KANSL1: variants seen among roughly 807,000 people sequenced by gnomAD.
KANSL1 encodes the protein KAT8 regulatory NSL complex subunit 1, also known as MLL1/MLL complex subunit KANSL1.
KANSL1 carries 22 observed loss-of-function variants against 103.6 expected under a neutral mutation model. The ratio of observed to expected loss-of-function variants is 0.21; its 90% CI spans 0.15 to 0.30. The LOEUF (loss-of-function observed/expected upper bound fraction) is 0.30, where lower values mean the gene tolerates loss of function less well. KANSL1 is among the 10% of genes least tolerant of loss of function. The probability of loss-of-function intolerance (pLI) is 1.00; values close to 1 mark genes in which losing one functional copy is unlikely to be tolerated. For synonymous variants in KANSL1, 600 were observed against 527.6 expected (o/e 1.14, Z -1.88); for missense variants, 1,337 against 1,399.8 (o/e 0.96, Z 0.72).
At chr17:46,165,667 C>G (rs745343943) in intron 2 of KANSL1, among the ~76,000 whole-genome samples, 2 of 151,716 alleles carry the variant, frequency 1.3e-5, no homozygotes, top group Admixed American at 6.6e-5. Context: ...TGCACCACCA[C>G]GCCTGGCTAA....
At chr17:46,075,645 A>G (rs1196522978) in intron 4 of KANSL1, among the ~76,000 whole-genome samples, 1 of 152,218 alleles carries the variant, frequency 6.6e-6, no homozygotes, top group African/African-American at 2.4e-5. Flanking sequence ...ATCATATTTT[A>G]AAAGAATGAA....
At position 46,171,400 on chromosome 17, in the gene KANSL1, T is replaced by C. The variant is rs748000142; in HGVS notation, c.744A>G (p.Leu248=). The C allele has an allele frequency of 1.2e-5, 19 of 1,614,046 alleles. No homozygotes were observed. The highest frequency in any genetic ancestry group is 4.5e-5 in the East Asian group (2 of 44,898). Residue 248 remains leucine, a synonymous_variant, in exon 2 of 15, where the codon TTA becomes TTG. Coordinates refer to ENST00000432791, the MANE Select transcript of KANSL1 (RefSeq NM_015443.4). ...TAGAGCTGGAGTCTGTACCAGGTGA[T>C]AATCTACTGCTTCCTTGAAGTGCCG... ...EQPALQGSSR[L]SPGTDSSSNL... is the part of the protein sequence containing the mutation.
chr17:46,055,279 C>T (rs2077880463), intron 6 of KANSL1, among the ~76,000 whole-genome samples: 1 of 151,950 alleles, frequency 6.6e-6, no homozygotes, highest in Non-Finnish European at 1.5e-5. Context: ...GCCTGACCAA[C>T]ATGGTGAAAC....
intron 1 of KANSL1, among the ~76,000 whole-genome samples, chr17:46,210,484 A>AG (rs1159447876): frequency 0.094 from 13,620 of 145,232 alleles, 210 homozygotes; most frequent in Non-Finnish European, 0.15. Context: ...AAAAAAAAAA[A>AG]AAAAAAAAAA....
intron 1 of KANSL1, among the ~76,000 whole-genome samples, chr17:46,184,027 GCTC>G (rs1386077429): frequency 5.3e-5 from 8 of 152,140 alleles, no homozygotes; most frequent in Non-Finnish European, 1.0e-4. Flanking sequence ...ACTTCCTCCT[GCTC>G]CTCAACATTG....
At position 46,082,553 on chromosome 17, in the gene KANSL1, G is replaced by C; in HGVS notation, c.1432-11C>G. 1 of 1,506,644 alleles carries C rather than the reference G, an allele frequency of 6.6e-7. No homozygotes were observed. The allele number at this position is 1,506,644 out of a possible 1,614,324, so 93.3% of individuals were successfully genotyped here. On this transcript the variant is annotated splice_polypyrimidine_tract_variant and intron_variant, in intron 3 of 14. Coordinates refer to ENST00000432791, the MANE Select transcript of KANSL1 (RefSeq NM_015443.4). ...AAGAACTATCAACCCCTGCAGGATA[G>C]AGAGGAGAAAAATAGCATAAGTGAG...
At chr17:46,165,236 T>C (rs62060885) in intron 2 of KANSL1, among the ~76,000 whole-genome samples, 11 of 144,766 alleles carry the variant, frequency 7.6e-5, no homozygotes, top group Non-Finnish European at 1.1e-4. Context: ...TATTTTTATT[T>C]TTACTTATTT....
chr17:46,214,725 AC>A (rs1472107445), intron 1 of KANSL1, among the ~76,000 whole-genome samples: 1 of 152,178 alleles, frequency 6.6e-6, no homozygotes, highest in African/African-American at 2.4e-5. Context: ...CTCTCAAAGA[AC>A]CTAGACACTA....
intron 4 of KANSL1, among the ~76,000 whole-genome samples, chr17:46,076,001 T>TA (rs1329889107): frequency 6.6e-6 from 1 of 152,178 alleles, no homozygotes; most frequent in Non-Finnish European, 1.5e-5. Context: ...CAAGAAAAGA[T>TA]AGATACCTGG....
chr17:46,089,797 T>C (rs554836311), intron 3 of KANSL1, among the ~76,000 whole-genome samples: 19 of 152,350 alleles, frequency 1.2e-4, no homozygotes, highest in Middle Eastern at 3.4e-3. Context: ...TGATCTTCCA[T>C]TGTTTATCTT....
chr17:46,140,146 A>G (rs994470646), intron 2 of KANSL1, among the ~76,000 whole-genome samples: 9 of 152,216 alleles, frequency 5.9e-5, no homozygotes, highest in African/African-American at 1.4e-4. Context: ...ACATACATAT[A>G]TATTTTTGTT....
intron 1 of KANSL1, among the ~76,000 whole-genome samples, chr17:46,176,903 A>G (rs2147794208): frequency 6.6e-6 from 1 of 152,312 alleles, no homozygotes; most frequent in South Asian, 2.1e-4. Flanking sequence ...TGCAGAGAAC[A>G]GGAAAAAGTG....
At chr17:46,166,118 CAGA>C (rs1054353765) in intron 2 of KANSL1, among the ~76,000 whole-genome samples, 5 of 150,756 alleles carry the variant, frequency 3.3e-5, no homozygotes, top group African/African-American at 9.8e-5. Context: ...GAGGCTGAGG[CAGA>C]AGAATTGCTT....
chr17:46,059,647 A>AGAGAGAGAT (rs149985527), intron 6 of KANSL1, among the ~76,000 whole-genome samples: 1 of 54,830 alleles, frequency 1.8e-5, no homozygotes, highest in Admixed American at 2.5e-4. Flanking sequence ...AAAAAAAAAA[A>AGAGAGAGAT]AGAGAGAGAG....
intron 2 of KANSL1, among the ~76,000 whole-genome samples, chr17:46,161,064 T>C (rs1468140561): frequency 6.6e-6 from 1 of 152,174 alleles, no homozygotes; most frequent in African/African-American, 2.4e-5. Flanking sequence ...ATGTGGGCTA[T>C]TATTTCTCTA....
intron 6 of KANSL1, among the ~76,000 whole-genome samples, chr17:46,057,457 A>C (rs558242489): frequency 3.2e-4 from 49 of 152,328 alleles, no homozygotes; most frequent in Non-Finnish European, 1.5e-4. Flanking sequence ...TATCTAGCTA[A>C]TAAAAGAAAA....
At chr17:46,081,765 A>G (rs967651731) in intron 4 of KANSL1, among the ~76,000 whole-genome samples, 2 of 152,266 alleles carry the variant, frequency 1.3e-5, no homozygotes, top group Admixed American at 6.5e-5. Flanking sequence ...AGCATAATCA[A>G]AATAATAAAC....
intron 4 of KANSL1, among the ~76,000 whole-genome samples, chr17:46,076,495 C>CA (rs36086421): frequency 0.06 from 4,785 of 79,180 alleles, 113 homozygotes; most frequent in African/African-American, 0.065. Context: ...GACTTCATCT[C>CA]AAAAAAAAAA....
intron 1 of KANSL1, among the ~76,000 whole-genome samples, chr17:46,216,232 A>G (rs2048334214): frequency 1.3e-5 from 2 of 152,178 alleles, no homozygotes; most frequent in Non-Finnish European, 2.9e-5. Flanking sequence ...TTCCTCATAA[A>G]CTGCACAGGG....
Sources: gnomAD v4.1 joint callset for allele counts (sites outside exome capture counted in the v4.1 genomes callset) on GRCh38, gnomAD v4.1.1 for gene constraint, MANE v1.5 for transcripts, NCBI Gene and HGNC (gene_info 2026-07-23, HGNC 2026-07-21) for gene names.